ZNF236: variants seen among roughly 807,000 people sequenced by gnomAD.
ZNF236 encodes the protein zinc finger protein 236.
A neutral mutation model predicts 191.2 loss-of-function variants in ZNF236; 50 were observed. The ratio of observed to expected loss-of-function variants is 0.26; its 90% CI spans 0.21 to 0.33. The LOEUF (loss-of-function observed/expected upper bound fraction) is 0.33. Among genes scored for constraint, ZNF236 ranks in the 10% least tolerant of loss-of-function variants. The pLI is 1.00. For synonymous variants in ZNF236, 907 were observed against 928.8 expected (o/e 0.98, Z 0.43); for missense variants, 1,754 against 2,374.5 (o/e 0.74, Z 5.43).
intron 30 of ZNF236, among the ~76,000 whole-genome samples, chr18:76,966,835 A>AATG (rs542818722): frequency 8.5e-5 from 13 of 152,184 alleles, no homozygotes; most frequent in Non-Finnish European, 1.8e-4. Context: ...CTGAGGAAGG[A>AATG]ATGATAATAG....
intron 25 of ZNF236, among the ~76,000 whole-genome samples, chr18:76,931,497 A>G (rs1448668818): frequency 1.3e-5 from 2 of 152,002 alleles, no homozygotes; most frequent in African/African-American, 4.9e-5. Context: ...AAAGCATCGT[A>G]TATTTATACA....
At chr18:76,929,793 A>G (rs1300110293) in intron 25 of ZNF236, among the ~76,000 whole-genome samples, 1 of 152,246 alleles carries the variant, frequency 6.6e-6, no homozygotes, top group Non-Finnish European at 1.5e-5. Context: ...AAAGCATTTA[A>G]TTTATGGTAA....
At chr18:76,926,840 GTATATGGTATAAAGGGTGATTAAACAGCA>G (rs1967707552) in intron 22 of ZNF236, among the ~76,000 whole-genome samples, 168 bp from the exon 23 acceptor site, 1 of 151,826 alleles carries the variant, frequency 6.6e-6, no homozygotes, top group African/African-American at 2.4e-5. Flanking sequence ...GACAGTGTGT[GTATATGGTATAAAGGGTGATTAAACAGCA>G]TATATGTGTA....
At chr18:76,881,604 T>A in intron 9 of ZNF236, 92 bp downstream of exon 9, 1 of 1,106,568 alleles carries the variant, frequency 9.0e-7, no homozygotes, top group Non-Finnish European at 1.3e-6. Context: ...CTGAAGGTGA[T>A]AGGATATGTT....
Position 76,822,586 on chromosome 18 carries a change from G to A in ZNF236, c.-22G>A, listed in dbSNP as rs895253766. On this transcript the variant is annotated 5_prime_UTR_variant, in exon 1 of 31. Coordinates refer to ENST00000320610, the MANE Select transcript of ZNF236 (RefSeq NM_001306089.2). ...GTGAGTGTGAGTGTGAGTGGGTGTG[G>A]GTGCGAGCCGGGCCGCCGACGATGC... 6.7e-3 allele frequency: 1,020 copies of A among 151,278 alleles called. 10 individuals are homozygous for A. Among genetic ancestry groups the A allele is most frequent in the African/African-American group, 0.024 (968 of 40,834 alleles). The allele number at this position is 151,278 out of a possible 1,614,324, so 9.4% of individuals were successfully genotyped here.
At chr18:76,848,123 G>T (rs1301046272) in intron 1 of ZNF236, among the ~76,000 whole-genome samples, 1 of 152,192 alleles carries the variant, frequency 6.6e-6, no homozygotes. Flanking sequence ...CTACAAGGCA[G>T]ATTCAACTTT....
intron 3 of ZNF236, among the ~76,000 whole-genome samples, chr18:76,861,379 G>A (rs1051626555): frequency 3.9e-5 from 6 of 152,154 alleles, no homozygotes; most frequent in African/African-American, 1.4e-4. Context: ...GGCGTTATCT[G>A]GAAGATGCAT....
intron 2 of ZNF236, 75 bp downstream of exon 2, chr18:76,849,743 T>G: frequency 1.5e-6 from 2 of 1,333,764 alleles, no homozygotes; most frequent in Non-Finnish European, 2.0e-6. Flanking sequence ...ACAAGTAAAA[T>G]CAAAACTTTT....
chr18:76,856,141 A>G (rs1976034129), intron 3 of ZNF236, among the ~76,000 whole-genome samples: 1 of 151,152 alleles, frequency 6.6e-6, no homozygotes, highest in Admixed American at 6.6e-5. Flanking sequence ...TCCTGGTCTC[A>G]AGTAGTGGTT....
At chr18:76,900,763 A>C (rs766585006) in intron 11 of ZNF236, among the ~76,000 whole-genome samples, 1 of 152,234 alleles carries the variant, frequency 6.6e-6, no homozygotes, top group Non-Finnish European at 1.5e-5. Flanking sequence ...AACTAAAAAA[A>C]CTAGGAAAAT....
Position 76,868,857 on chromosome 18 carries a change from A to G in ZNF236, c.536A>G (p.Lys179Arg), listed in dbSNP as rs749490903. The change falls in exon 4 of 31, where the codon AAA (lysine) becomes AGA (arginine). Residue 179 changes from lysine (K) to arginine (R), a missense_variant. By Grantham distance (26) the Lys-to-Arg change is conservative (BLOSUM62 2). Transcript: ENST00000320610. ...ELKEHMKTHY[K>R]IRVSSTRSYN... The stretch of plus-strand genomic sequence containing the variant: ...AAGGAACACATGAAGACTCATTACA[A>G]AATTAGGTATGAGTCATTACATGGG... The G allele has an allele frequency of 3.7e-6, 6 of 1,602,186 alleles. No individual in the cohort carries two copies. In the Admixed American group the frequency reaches 1.0e-4, roughly 27 times the overall value.
intron 1 of ZNF236, among the ~76,000 whole-genome samples, chr18:76,825,454 G>T (rs2122358380): frequency 6.6e-6 from 1 of 152,150 alleles, no homozygotes; most frequent in Admixed American, 6.5e-5. Context: ...TCTAGGTGGT[G>T]GTGGCGGTGC....
rs368741588 is a variant in ZNF236 at position 76,925,180 on chromosome 18, T to C, written c.3662-9T>C. 17 of 1,607,698 alleles carry C rather than the reference T, an allele frequency of 1.1e-5. No individual in the cohort carries two copies. Among genetic ancestry groups the C allele is most frequent in the Non-Finnish European group, 1.4e-5 (17 of 1,175,730 alleles). On this transcript the variant is annotated splice_polypyrimidine_tract_variant and intron_variant, in intron 21 of 30. Coordinates refer to ENST00000320610, the MANE Select transcript of ZNF236 (RefSeq NM_001306089.2). This position sits in a 1 kb window ranked among gnomAD's most constrained non-coding sequence, Gnocchi z 5.7. ...CGCCTCTGTTGATTCTTGGCTGGGC[T>C]TTTCACAGGTCAGAAGCTCTTCAGC...
intron 1 of ZNF236, among the ~76,000 whole-genome samples, chr18:76,840,491 TC>T: frequency 6.7e-6 from 1 of 149,380 alleles, no homozygotes. Flanking sequence ...TGAAACTCTG[TC>T]TCAAAAAAAA....
rs1967122619 is a variant in ZNF236, at chr18:76,908,542, G to A, written c.2520G>A (p.Gln840=). Reference sequence around the variant, plus strand: ...CGGAGGAAGCAGGGCTGGGCCAGCAGTTGGCAGATCAGCCCCTGGAAGCAG... The same window carrying A: ...CGGAGGAAGCAGGGCTGGGCCAGCAATTGGCAGATCAGCCCCTGGAAGCAG... ...VGTEEAGLGQ[Q]LADQPLEADE... The change falls in exon 14 of 31, where the codon CAG becomes CAA. Residue 840 remains glutamine (Q), a synonymous_variant. Coordinates refer to ENST00000320610, the MANE Select transcript of ZNF236 (RefSeq NM_001306089.2). 6.2e-7 allele frequency: 1 copy of A among 1,611,738 alleles called. No homozygotes were observed. Among genetic ancestry groups the A allele is most frequent in the Non-Finnish European group, 8.5e-7 (1 of 1,179,056 alleles).
At chr18:76,930,653 G>A (rs955031015) in intron 25 of ZNF236, among the ~76,000 whole-genome samples, 1 of 152,158 alleles carries the variant, frequency 6.6e-6, no homozygotes, top group South Asian at 2.1e-4. Context: ...CCGCAGCATC[G>A]TGGGCTCGGC....
At chr18:76,830,703 T>C (rs1191701184) in intron 1 of ZNF236, among the ~76,000 whole-genome samples, 2 of 152,232 alleles carry the variant, frequency 1.3e-5, no homozygotes, top group African/African-American at 2.4e-5. Flanking sequence ...TGTTGGGCCA[T>C]ATTCAAAGCC....
intron 14 of ZNF236, among the ~76,000 whole-genome samples, chr18:76,909,865 G>A (rs781369592): frequency 2.6e-5 from 4 of 152,206 alleles, no homozygotes; most frequent in Admixed American, 1.3e-4. Context: ...TCAGACAGAC[G>A]CTAAAGGCTT....
intron 3 of ZNF236, among the ~76,000 whole-genome samples, chr18:76,854,625 A>G (rs1363613372): frequency 6.6e-6 from 1 of 152,034 alleles, no homozygotes; most frequent in Non-Finnish European, 1.5e-5. Flanking sequence ...TAGCATAGTA[A>G]AATTTAATAG....
Sources: gnomAD v4.1 joint callset for allele counts (sites outside exome capture counted in the v4.1 genomes callset) on GRCh38, gnomAD v4.1.1 for gene constraint, Gnocchi (gnomAD v3.1) non-coding constraint, MANE v1.5 for transcripts, NCBI Gene and HGNC (gene_info 2026-07-23, HGNC 2026-07-21) for gene names.